BMAL2: variants seen among roughly 807,000 people sequenced by gnomAD.
BMAL2 encodes the protein basic helix-loop-helix ARNT like 2.
chr12:27,366,965 A>G, the BMAL2 span, among the ~76,000 whole-genome samples: 1 of 152,212 alleles, frequency 6.6e-6, no homozygotes. Flanking sequence ...TGGCGGATAC[A>G]TTCTGAGACT....
At chr12:27,364,256 C>T in the BMAL2 span, among the ~76,000 whole-genome samples, 5 of 152,064 alleles carry the variant, frequency 3.3e-5, no homozygotes, top group Non-Finnish European at 5.9e-5. Flanking sequence ...ACATGAATTT[C>T]GGAGGAACAC....
the BMAL2 span, chr12:27,387,205 T>G: frequency 1.3e-6 from 2 of 1,507,792 alleles, no homozygotes; most frequent in Admixed American, 3.4e-5. Context: ...TTTTAAAATA[T>G]TCACTTTTTT....
chr12:27,418,028 T>A, the BMAL2 span: 29 of 1,050,288 alleles, frequency 2.8e-5, no homozygotes, highest in Non-Finnish European at 3.9e-5. Context: ...AATAAATAAA[T>A]AAAGAGTGTC....
the BMAL2 span, among the ~76,000 whole-genome samples, chr12:27,386,971 TG>T: frequency 6.6e-6 from 1 of 152,164 alleles, no homozygotes; most frequent in Non-Finnish European, 1.5e-5. Flanking sequence ...TTTTAAGAAA[TG>T]TCTCAACTAA....
At chr12:27,406,121 T>C in the BMAL2 span, among the ~76,000 whole-genome samples, 3 of 152,194 alleles carry the variant, frequency 2.0e-5, no homozygotes, top group Admixed American at 2.0e-4. Context: ...GTCTGATTGG[T>C]GTACCTGAAA....
the BMAL2 span, chr12:27,421,743 G>C: frequency 6.6e-6 from 1 of 152,144 alleles, no homozygotes; most frequent in East Asian, 1.9e-4. Context: ...AGTAGGCCCG[G>C]GCAGATTAAA....
the BMAL2 span, chr12:27,400,808 A>C: frequency 0.17 from 254,238 of 1,537,228 alleles, 25,481 homozygotes; most frequent in East Asian, 0.48. Context: ...ATTAGAATTC[A>C]ATGGGATATT....
chr12:27,408,620 A>G, the BMAL2 span, among the ~76,000 whole-genome samples: 2 of 152,204 alleles, frequency 1.3e-5, no homozygotes, highest in African/African-American at 4.8e-5. Flanking sequence ...ATCTATGACA[A>G]ACCCATAGCC....
chr12:27,390,512 CAA>C, the BMAL2 span: 2 of 315,938 alleles, frequency 6.3e-6, no homozygotes, highest in African/African-American at 2.2e-5. Context: ...AAAAAAATGA[CAA>C]GAGATGGAAA....
the BMAL2 span, chr12:27,368,157 T>G: frequency 4.2e-6 from 6 of 1,424,148 alleles, no homozygotes. Flanking sequence ...CTGGTATTTT[T>G]TAAATATCAA....
chr12:27,368,336 A>G, the BMAL2 span: 1 of 1,614,142 alleles, frequency 6.2e-7, no homozygotes, highest in Non-Finnish European at 8.5e-7. Flanking sequence ...GACAAGACCA[A>G]CAGCTATGGG....
the BMAL2 span, among the ~76,000 whole-genome samples, chr12:27,350,327 C>T: frequency 6.6e-6 from 1 of 152,202 alleles, no homozygotes; most frequent in Non-Finnish European, 1.5e-5. Context: ...CAAAGGGAAT[C>T]GTCTGTAGGC....
chr12:27,388,870 T>G, the BMAL2 span, among the ~76,000 whole-genome samples: 1 of 152,168 alleles, frequency 6.6e-6, no homozygotes, highest in Non-Finnish European at 1.5e-5. Flanking sequence ...ACAAAAAAAG[T>G]TCAAAGTAAA....
At chr12:27,412,687 TAAAAAC>T in the BMAL2 span, among the ~76,000 whole-genome samples, 1 of 150,846 alleles carries the variant, frequency 6.6e-6, no homozygotes, top group Non-Finnish European at 1.5e-5. Flanking sequence ...AAGAGCTTAT[TAAAAAC>T]AAAACACACA....
At chr12:27,424,780 A>C in the BMAL2 span, 1 of 152,214 alleles carries the variant, frequency 6.6e-6, no homozygotes, top group Non-Finnish European at 1.5e-5. Context: ...AGAAGCCATA[A>C]AGAAAAGCTG....
chr12:27,368,408 T>C, the BMAL2 span: 1 of 1,613,922 alleles, frequency 6.2e-7, no homozygotes, highest in African/African-American at 1.3e-5. Flanking sequence ...TTCAGACCCA[T>C]CCCAGTAAGT....
chr12:27,350,921 C>G, the BMAL2 span, among the ~76,000 whole-genome samples: 7 of 151,490 alleles, frequency 4.6e-5, no homozygotes, highest in Non-Finnish European at 7.4e-5. Context: ...CTAAGGTGAT[C>G]CGCCTGCCTC....
At chr12:27,367,972 G>T in the BMAL2 span, among the ~76,000 whole-genome samples, 1 of 151,674 alleles carries the variant, frequency 6.6e-6, no homozygotes, top group African/African-American at 2.4e-5. Context: ...AGCCACCCAA[G>T]TAGCTGGGAT....
At chr12:27,415,205 G>A in the BMAL2 span, among the ~76,000 whole-genome samples, 1 of 152,180 alleles carries the variant, frequency 6.6e-6, no homozygotes. Context: ...AGATTTGCTA[G>A]GAGAGTAGGT....
Sources: allele counts gnomAD v4.1 joint callset (sites outside exome capture counted in the v4.1 genomes callset), GRCh38; gene constraint gnomAD v4.1.1; transcripts MANE v1.5; gene names NCBI Gene and HGNC (gene_info 2026-07-23, HGNC 2026-07-21).